The following KLF8 variants were observed in gnomAD, a reference collection of about 807,000 sequenced individuals.
KLF8 encodes Krueppel-like factor 8.
In KLF8, 10 loss-of-function variants were observed where a neutral mutation model predicts 18.2. The ratio of observed to expected loss-of-function variants is 0.55; its 90% CI spans 0.34 to 0.93. The LOEUF is 0.93. KLF8 is among the 40% of genes least tolerant of loss of function. KLF8 has a pLI of 0.02. For missense variants in KLF8, 264 were observed against 277.9 expected, an observed-to-expected ratio of 0.95 and a Z score of 0.36; for synonymous variants, 109 against 97.3, an observed-to-expected ratio of 1.12 and a Z score of -0.71.
At chrX:56,185,280 G>A in the KLF8 span, among the ~76,000 whole-genome samples, 298 of 112,052 alleles carry the variant, frequency 2.7e-3, 1 homozygote, top group South Asian at 0.018. Context: ...GTCAGTGATA[G>A]AAGATGAAAT....
At chrX:55,969,489 T>A in the KLF8 span, among the ~76,000 whole-genome samples, 1 of 111,308 alleles carries the variant, frequency 9.0e-6, no homozygotes, top group African/African-American at 3.3e-5. Flanking sequence ...TAAGCCACTA[T>A]GTGAAAAAAA....
chrX:56,222,915 G>A, the KLF8 span, among the ~76,000 whole-genome samples: 3 of 112,964 alleles, frequency 2.7e-5, no homozygotes, highest in Admixed American at 2.8e-4. Context: ...TGCAGTCCCG[G>A]TTCCCGCCTG....
At chrX:56,025,061 G>A in the KLF8 span, among the ~76,000 whole-genome samples, 2 of 112,483 alleles carry the variant, frequency 1.8e-5, no homozygotes, top group Non-Finnish European at 3.8e-5. Flanking sequence ...AACTGGGTCC[G>A]TAGGGACTAA....
At chrX:56,008,194 T>C in the KLF8 span, among the ~76,000 whole-genome samples, 1 of 106,571 alleles carries the variant, frequency 9.4e-6, no homozygotes, top group Non-Finnish European at 1.9e-5. Flanking sequence ...TTAAAAGAAA[T>C]GCTAAATTTC....
intron 1 of KLF8, among the ~76,000 whole-genome samples, chrX:56,245,523 A>G (rs2066611219): frequency 8.9e-6 from 1 of 111,999 alleles, no homozygotes; most frequent in Admixed American, 9.5e-5. Context: ...ACATTGACCC[A>G]CTGGCGATGG....
the KLF8 span, among the ~76,000 whole-genome samples, chrX:56,145,458 A>G: frequency 3.5e-5 from 4 of 112,690 alleles, no homozygotes; most frequent in South Asian, 1.5e-3. Context: ...TCCCAGTTAC[A>G]TACCCAGAAG....
At chrX:56,251,304 T>C (rs61240266) in intron 2 of KLF8, among the ~76,000 whole-genome samples, 1 of 112,265 alleles carries the variant, frequency 8.9e-6, no homozygotes, top group African/African-American at 3.2e-5. Context: ...ACCTTGAAAA[T>C]CCTTAAATCA....
At chrX:56,070,991 C>T in the KLF8 span, among the ~76,000 whole-genome samples, 6 of 111,791 alleles carry the variant, frequency 5.4e-5, no homozygotes, top group Non-Finnish European at 9.4e-5. Context: ...AGTATACAAA[C>T]ATCCTGTGAA....
chrX:56,159,215 T>G, the KLF8 span, among the ~76,000 whole-genome samples: 1 of 112,152 alleles, frequency 8.9e-6, no homozygotes, highest in Non-Finnish European at 1.9e-5. Flanking sequence ...TTTGAACCAG[T>G]CTTGCATCCC....
chrX:56,004,902 T>C, the KLF8 span, among the ~76,000 whole-genome samples: 1 of 111,203 alleles, frequency 9.0e-6, no homozygotes, highest in Non-Finnish European at 1.9e-5. Flanking sequence ...TACCTGGAGA[T>C]TTCCGTGGGA....
At chrX:56,145,847 A>G in the KLF8 span, among the ~76,000 whole-genome samples, 1 of 109,857 alleles carries the variant, frequency 9.1e-6, no homozygotes, top group Non-Finnish European at 1.9e-5. Flanking sequence ...TCCAGAATCT[A>G]CAAAGAACTC....
At chrX:56,155,000 G>C in the KLF8 span, among the ~76,000 whole-genome samples, 1 of 112,147 alleles carries the variant, frequency 8.9e-6, no homozygotes, top group Non-Finnish European at 1.9e-5. Context: ...CTTTTACACT[G>C]TTGGTGGGAC....
chrX:55,922,696 A>G, the KLF8 span, among the ~76,000 whole-genome samples: 2 of 112,916 alleles, frequency 1.8e-5, no homozygotes, highest in Admixed American at 1.9e-4. Flanking sequence ...AAGAGGATAT[A>G]CATGTGGCCA....
intron 1 of KLF8, among the ~76,000 whole-genome samples, chrX:56,244,058 C>T (rs944737570): frequency 1.8e-5 from 2 of 111,606 alleles, no homozygotes; most frequent in Non-Finnish European, 3.8e-5. Flanking sequence ...CCTACTGGTA[C>T]CCAGGTAATT....
At chrX:56,150,931 G>A in the KLF8 span, among the ~76,000 whole-genome samples, 1 of 111,550 alleles carries the variant, frequency 9.0e-6, no homozygotes, top group Non-Finnish European at 1.9e-5. Context: ...TGCTAAAATG[G>A]ATGATTTGCC....
the KLF8 span, among the ~76,000 whole-genome samples, chrX:56,164,658 C>G: frequency 1.0e-5 from 1 of 95,246 alleles, no homozygotes; most frequent in African/African-American, 3.8e-5. Context: ...ATTAAAATTA[C>G]TATCTTTTCT....
chrX:56,127,208 C>T, the KLF8 span, among the ~76,000 whole-genome samples: 75 of 111,589 alleles, frequency 6.7e-4, no homozygotes, highest in Non-Finnish European at 1.1e-3. Flanking sequence ...TGTCCATTTT[C>T]CCTAACTAAA....
the KLF8 span, among the ~76,000 whole-genome samples, chrX:56,054,402 G>C: frequency 1.3e-4 from 15 of 111,657 alleles, no homozygotes; most frequent in Non-Finnish European, 2.6e-4. Flanking sequence ...GGTTTTGAAT[G>C]AATTTTTTAG....
intron 1 of KLF8, among the ~76,000 whole-genome samples, chrX:56,234,935 A>G (rs1049334981): frequency 9.0e-6 from 1 of 111,716 alleles, no homozygotes; most frequent in Non-Finnish European, 1.9e-5. Flanking sequence ...AGGTGCATCT[A>G]TGTAGTCCAC....
Sources: gnomAD v4.1 joint callset for allele counts (sites outside exome capture counted in the v4.1 genomes callset) on GRCh38, gnomAD v4.1.1 for gene constraint, MANE v1.5 for transcripts, NCBI Gene and HGNC (gene_info 2026-07-23, HGNC 2026-07-21) for gene names.